The following BBOX1 variants were observed in gnomAD, a reference collection of about 807,000 sequenced individuals.
BBOX1 encodes the protein gamma-butyrobetaine hydroxylase 1.
BBOX1 carries 35 observed loss-of-function variants against 41.6 expected under a neutral mutation model. The ratio of observed to expected loss-of-function variants is 0.84; its 90% CI spans 0.64 to 1.11. BBOX1 has a LOEUF of 1.11. Ranked by LOEUF, BBOX1 falls within the 50% of genes most tolerant of loss-of-function variation. The pLI, the probability that BBOX1 is intolerant of heterozygous loss-of-function variation, is 0.00. For synonymous variants in BBOX1, 163 were observed against 154.7 expected, an observed-to-expected ratio of 1.05 and a Z score of -0.40; for missense variants, 458 against 460.6, an observed-to-expected ratio of 0.99 and a Z score of 0.05.
At chr11:27,119,912 A>C in intron 7 of BBOX1, 67 bp downstream of exon 7, 17 of 1,007,478 alleles carry the variant, frequency 1.7e-5, no homozygotes, top group Non-Finnish European at 2.3e-5. Context: ...ACTAATCTAA[A>C]GTTTAAACAG....
chr11:27,083,228 T>C (rs980856613), intron 4 of BBOX1, among the ~76,000 whole-genome samples: 6 of 152,138 alleles, frequency 3.9e-5, no homozygotes, highest in Admixed American at 3.9e-4. Context: ...GTTTTGCATA[T>C]AGACCATAAA....
intron 7 of BBOX1, among the ~76,000 whole-genome samples, chr11:27,124,303 T>A (rs1712722152): frequency 6.6e-6 from 1 of 152,128 alleles, no homozygotes; most frequent in East Asian, 1.9e-4. Context: ...TTTGCCACCA[T>A]CCTTGGTCAC....
At chr11:27,076,567 G>A (rs1857637072) in intron 4 of BBOX1, among the ~76,000 whole-genome samples, 1 of 152,156 alleles carries the variant, frequency 6.6e-6, no homozygotes, top group Non-Finnish European at 1.5e-5. Context: ...AGTGGGATTT[G>A]TGCTTGCTTT....
intron 6 of BBOX1, among the ~76,000 whole-genome samples, chr11:27,118,137 G>A (rs897473454): frequency 6.6e-6 from 1 of 151,826 alleles, no homozygotes; most frequent in Non-Finnish European, 1.5e-5. Context: ...ATATTTACAC[G>A]CACATTGCAT....
At chr11:27,078,915 A>G (rs1325214213) in intron 4 of BBOX1, among the ~76,000 whole-genome samples, 1 of 152,164 alleles carries the variant, frequency 6.6e-6, no homozygotes, top group East Asian at 1.9e-4. Context: ...GATGAAGAAT[A>G]AGTGATAAAC....
At chr11:27,123,909 C>A (rs1461924325) in intron 7 of BBOX1, among the ~76,000 whole-genome samples, 2 of 152,178 alleles carry the variant, frequency 1.3e-5, no homozygotes, top group Middle Eastern at 3.4e-3. Context: ...GTCTAAGAGC[C>A]TTTTTGAAAG....
At chr11:27,112,724 A>G (rs553041652) in intron 5 of BBOX1, among the ~76,000 whole-genome samples, 6 of 152,116 alleles carry the variant, frequency 3.9e-5, no homozygotes, top group African/African-American at 1.4e-4. Context: ...CCTAGGAAAT[A>G]CCATTCTAGA....
intron 5 of BBOX1, among the ~76,000 whole-genome samples, chr11:27,104,141 C>T (rs1358580953): frequency 6.6e-6 from 1 of 152,052 alleles, no homozygotes; most frequent in African/African-American, 2.4e-5. Context: ...TCATGAATTC[C>T]AGACTATTCA....
intron 4 of BBOX1, chr11:27,066,548 TTAG>T (rs1239115010): frequency 2.8e-4 from 8 of 28,586 alleles, no homozygotes; most frequent in South Asian, 2.8e-3. Flanking sequence ...TTACACAGCG[TTAG>T]GTTTGGAGTT....
At chr11:27,046,439 G>GAAACAC (rs1851490759) in intron 2 of BBOX1, among the ~76,000 whole-genome samples, 1 of 149,634 alleles carries the variant, frequency 6.7e-6, no homozygotes, top group Non-Finnish European at 1.5e-5. Flanking sequence ...ACACACCACA[G>GAAACAC]ACACACACAC....
rs575220922 is a variant in BBOX1, at chr11:27,091,652, T to G, written c.335-1516T>G. Among the ~76,000 whole-genome samples the G allele has an allele frequency of 9.2e-5, 14 of 151,978 alleles. No individual in the cohort carries two copies. The East Asian group carries it at 2.3e-3, about 25-fold the overall frequency. On this transcript the variant is annotated intron_variant, in intron 4 of 8. Transcript: ENST00000263182. ...ACTTGAAAAGCAATGCTTAAAGAAC[T>G]GGAAAGACTGTAGTTCTTTCAGTTC...
At chr11:27,119,980 G>C (rs1859407078) in intron 7 of BBOX1, 135 bp downstream of exon 7, 1 of 526,088 alleles carries the variant, frequency 1.9e-6, no homozygotes, top group Non-Finnish European at 3.1e-6. Context: ...CCCAATTTTA[G>C]AGTGATAGTA....
chr11:27,127,293 G>C lies in BBOX1; in HGVS notation c.1004G>C (p.Gly335Ala). ...ATATTGGAAAAAATCTTTTCTTTAG[G>C]TGATGTGATTACTTTTGATAACTGG... is the stretch of plus-strand genomic sequence containing the variant. ...ESKFTFKMNP[G>A]DVITFDNWRL... Residue 335 changes from glycine to alanine, a missense_variant and splice_region_variant, in exon 9 of 9, where the codon GGT becomes GCT. Physicochemically the swap from Gly to Ala is moderately conservative, Grantham distance 60. Transcript: ENST00000263182. 1 of 1,613,174 alleles carries C rather than the reference G, an allele frequency of 6.2e-7. No homozygotes were observed. The highest frequency in any genetic ancestry group is 8.5e-7 in the Non-Finnish European group (1 of 1,179,794).
At chr11:27,104,312 TCTG>T (rs1858781896) in intron 5 of BBOX1, among the ~76,000 whole-genome samples, 1 of 152,182 alleles carries the variant, frequency 6.6e-6, no homozygotes, top group African/African-American at 2.4e-5. Flanking sequence ...GTTGCTTCTC[TCTG>T]CTTTCTCCTA....
chr11:27,113,808 T>TAA (rs574427704), intron 5 of BBOX1, among the ~76,000 whole-genome samples: 17 of 134,192 alleles, frequency 1.3e-4, no homozygotes, highest in African/African-American at 2.8e-4. Flanking sequence ...AACCTAAAAG[T>TAA]AAAAAAAAAA....
At chr11:27,123,281 A>G (rs955564589) in intron 7 of BBOX1, among the ~76,000 whole-genome samples, 24 of 152,158 alleles carry the variant, frequency 1.6e-4, no homozygotes, top group African/African-American at 5.5e-4. Flanking sequence ...AGCCTAATCT[A>G]GTATACCATG....
At position 27,078,982 on chromosome 11, in the gene BBOX1, C is replaced by T. The variant is rs181986967; in HGVS notation, c.335-14186C>T. 1.9e-4 allele frequency among the ~76,000 whole-genome samples: 29 copies of T among 152,234 alleles called. No homozygotes were observed. In the East Asian group the frequency reaches 4.3e-3, roughly 22 times the overall value. ...GTGGATGCTCAAAACTTGTTAGATCCTTTCTGTCTCCCCTTTTTCTTCTAG... is the reference window on the plus strand; with the variant it reads ...GTGGATGCTCAAAACTTGTTAGATCTTTTCTGTCTCCCCTTTTTCTTCTAG... On this transcript the variant is annotated intron_variant, in intron 4 of 8. Transcript: ENST00000263182.
intron 2 of BBOX1, among the ~76,000 whole-genome samples, chr11:27,044,397 C>T (rs1851434351): frequency 2.0e-5 from 3 of 152,122 alleles, no homozygotes; most frequent in Admixed American, 1.3e-4. Context: ...TGTCTATTCA[C>T]TCTGATGATA....
intron 6 of BBOX1, among the ~76,000 whole-genome samples, chr11:27,116,120 G>A (rs1249270478): frequency 3.9e-5 from 6 of 151,984 alleles, no homozygotes; most frequent in South Asian, 2.1e-4. Context: ...GCAGATATAC[G>A]CCATAGAATA....
Sources: allele counts gnomAD v4.1 joint callset (sites outside exome capture counted in the v4.1 genomes callset), GRCh38; gene constraint gnomAD v4.1.1; transcripts MANE v1.5; gene names NCBI Gene and HGNC (gene_info 2026-07-23, HGNC 2026-07-21).